The following DOCK3 variants were observed in gnomAD, a reference collection of about 807,000 sequenced individuals.
DOCK3 encodes the protein dedicator of cytokinesis protein 3.
Under a neutral mutation model 265.6 loss-of-function variants are expected in DOCK3, and 60 were observed. The ratio of observed to expected loss-of-function variants is 0.23; its 90% CI spans 0.18 to 0.28. The LOEUF (loss-of-function observed/expected upper bound fraction) is 0.28. Among genes scored for constraint, DOCK3 ranks in the 10% least tolerant of loss-of-function variants. The pLI, the probability that DOCK3 is intolerant of heterozygous loss-of-function variation, is 1.00. For synonymous variants in DOCK3, 881 were observed against 938.0 expected, an observed-to-expected ratio of 0.94 and a Z score of 1.11; for missense variants, 1,981 against 2,594.3, an observed-to-expected ratio of 0.76 and a Z score of 5.14.
chr3:51,086,429 A>G (rs1406834165), intron 7 of DOCK3, among the ~76,000 whole-genome samples: 4 of 152,234 alleles, frequency 2.6e-5, no homozygotes, highest in Non-Finnish European at 5.9e-5. Context: ...GTTTATGGCC[A>G]GATTTTAGGG....
intron 3 of DOCK3, among the ~76,000 whole-genome samples, chr3:50,874,464 A>G (rs1032955761): frequency 6.6e-6 from 1 of 151,904 alleles, no homozygotes; most frequent in Non-Finnish European, 1.5e-5. Flanking sequence ...TAATTGTTCT[A>G]CTGCACTCCA....
intron 5 of DOCK3, among the ~76,000 whole-genome samples, chr3:51,012,206 T>C (rs1378465429): frequency 6.6e-6 from 1 of 152,198 alleles, no homozygotes; most frequent in African/African-American, 2.4e-5. Flanking sequence ...TGTTCAGCTA[T>C]GCCCTGCCCA....
At chr3:50,687,376 A>G (rs552598961) in intron 1 of DOCK3, among the ~76,000 whole-genome samples, 151 of 152,358 alleles carry the variant, frequency 9.9e-4, no homozygotes, top group Admixed American at 1.8e-3. Context: ...AATATGTCAC[A>G]CAAGTAAGCA....
At chr3:50,758,723 T>C (rs2040347864) in intron 1 of DOCK3, among the ~76,000 whole-genome samples, 1 of 152,176 alleles carries the variant, frequency 6.6e-6, no homozygotes, top group South Asian at 2.1e-4. Flanking sequence ...CTTTTTTCTT[T>C]ATGAATTTGA....
In DOCK3 at chr3:51,090,385, G is replaced by A. The variant is rs201867246; in HGVS notation, c.746+1G>A. The A allele has an allele frequency of 6.2e-7, 1 of 1,602,524 alleles. No homozygotes were observed. Among genetic ancestry groups the A allele is most frequent in the Non-Finnish European group, 8.5e-7 (1 of 1,174,420 alleles). On this transcript the variant is annotated splice_donor_variant, in intron 9 of 52. Coordinates refer to ENST00000266037, the MANE Select transcript of DOCK3 (RefSeq NM_004947.5). LOFTEE classifies it high-confidence loss of function. ...ACATGAGGGAAGGCAAGCAGATCAG[G>A]TGAGAGTCACTGGAAATTCTGGTGA...
chr3:50,971,330 T>C (rs2077227250), intron 5 of DOCK3, among the ~76,000 whole-genome samples: 1 of 152,138 alleles, frequency 6.6e-6, no homozygotes, highest in Non-Finnish European at 1.5e-5. Flanking sequence ...AATTTACTTA[T>C]GTTGGATGGT....
intron 4 of DOCK3, among the ~76,000 whole-genome samples, chr3:50,910,322 C>T (rs1477807474): frequency 6.6e-6 from 1 of 152,082 alleles, no homozygotes; most frequent in Non-Finnish European, 1.5e-5. Flanking sequence ...GAGTTTCCAG[C>T]ATCACCCCTC....
chr3:51,031,829 A>G (rs1332324147), intron 5 of DOCK3, among the ~76,000 whole-genome samples: 2 of 152,144 alleles, frequency 1.3e-5, no homozygotes, highest in African/African-American at 4.8e-5. Context: ...GCTGGAGGGA[A>G]CTTCCAGCAT....
chr3:51,234,131 T>C (rs1263262949), intron 19 of DOCK3, among the ~76,000 whole-genome samples: 1 of 152,192 alleles, frequency 6.6e-6, no homozygotes, highest in Non-Finnish European at 1.5e-5. Flanking sequence ...AATTCCTTTT[T>C]CTCCACATCC....
chr3:51,354,646 C>T (rs1373421415), intron 40 of DOCK3, among the ~76,000 whole-genome samples: 1 of 152,196 alleles, frequency 6.6e-6, no homozygotes, highest in East Asian at 1.9e-4. Flanking sequence ...GGTTTTTCTT[C>T]TTCTTCCAAG....
chr3:50,874,623 T>G (rs1294200556), intron 3 of DOCK3, among the ~76,000 whole-genome samples: 1 of 152,216 alleles, frequency 6.6e-6, no homozygotes, highest in African/African-American at 2.4e-5. Flanking sequence ...TCAGTTTCTT[T>G]CATTAGTGTT....
intron 1 of DOCK3, among the ~76,000 whole-genome samples, chr3:50,754,753 T>C (rs1378410039): frequency 6.6e-6 from 1 of 151,890 alleles, no homozygotes; most frequent in Non-Finnish European, 1.5e-5. Flanking sequence ...GAGATGGGGT[T>C]TCACCATGTT....
In DOCK3 at chr3:50,797,140, C is replaced by T. The variant is rs1217039438; in HGVS notation, c.121+18382C>T. ...GCTGCATCAGGGTGCTAGTGAATGC[C>T]GAGGTTCTTGCCTTTGTGCAGGCAT... On this transcript the variant is annotated intron_variant, in intron 2 of 52. Transcript: ENST00000266037. Among the ~76,000 whole-genome samples the T allele has an allele frequency of 2.6e-5, 4 of 151,926 alleles. No homozygotes were observed. In the East Asian group the frequency reaches 5.8e-4, roughly 22 times the overall value.
chr3:50,876,499 A>G (rs1006886527), intron 3 of DOCK3, among the ~76,000 whole-genome samples: 22 of 152,270 alleles, frequency 1.4e-4, no homozygotes, highest in South Asian at 6.2e-4. Flanking sequence ...GCAGGAACAC[A>G]TGATTTGAAT....
At chr3:50,961,984 A>G (rs890578734) in intron 5 of DOCK3, among the ~76,000 whole-genome samples, 5 of 125,926 alleles carry the variant, frequency 4.0e-5, no homozygotes, top group African/African-American at 1.4e-4. Flanking sequence ...GAAACCATCC[A>G]TGTAACATGA....
chr3:50,966,026 A>G (rs1387700772), intron 5 of DOCK3, among the ~76,000 whole-genome samples: 1 of 36,448 alleles, frequency 2.7e-5, no homozygotes, highest in East Asian at 9.1e-4. Context: ...TGTTTCTAAG[A>G]GTTCTTTTTT....
At chr3:51,338,139 C>T (rs140883512) in intron 35 of DOCK3, among the ~76,000 whole-genome samples, 1 of 152,310 alleles carries the variant, frequency 6.6e-6, no homozygotes, top group Non-Finnish European at 1.5e-5. Flanking sequence ...GCTCTGCCAC[C>T]AGAATAAGGG....
At chr3:51,232,351 T>C (rs892547492) in intron 19 of DOCK3, among the ~76,000 whole-genome samples, 1 of 152,214 alleles carries the variant, frequency 6.6e-6, no homozygotes, top group African/African-American at 2.4e-5. Flanking sequence ...TGCGTGTATC[T>C]TTTTCATGTA....
intron 22 of DOCK3, among the ~76,000 whole-genome samples, chr3:51,259,019 A>C (rs747320221): frequency 6.6e-5 from 10 of 152,332 alleles, no homozygotes; most frequent in East Asian, 3.9e-4. Flanking sequence ...TCCAGCCTGC[A>C]AGTGTCTGGG....
Sources: allele counts gnomAD v4.1 joint callset (sites outside exome capture counted in the v4.1 genomes callset), GRCh38; gene constraint gnomAD v4.1.1; transcripts MANE v1.5; gene names NCBI Gene and HGNC (gene_info 2026-07-23, HGNC 2026-07-21).